Variants in TMEM132D observed in about 807,000 individuals in gnomAD.
TMEM132D encodes transmembrane protein 132D.
TMEM132D carries 21 observed loss-of-function variants against 62.3 expected under a neutral mutation model. That is an observed-to-expected ratio of 0.34 (90% CI 0.24 to 0.49). The LOEUF is 0.49. Ranked by LOEUF, TMEM132D falls within the 20% of genes least tolerant of loss-of-function variation. The pLI is 0.99. For missense variants in TMEM132D, 1,346 were observed against 1,402.8 expected, an observed-to-expected ratio of 0.96 and a Z score of 0.65; for synonymous variants, 621 against 575.6, an observed-to-expected ratio of 1.08 and a Z score of -1.13.
chr12:129,126,786 G>A (rs1876226599), intron 5 of TMEM132D, among the ~76,000 whole-genome samples: 1 of 152,158 alleles, frequency 6.6e-6, no homozygotes, highest in Non-Finnish European at 1.5e-5. Flanking sequence ...GCATAGAATT[G>A]ATCAGTTAAC....
intron 5 of TMEM132D, among the ~76,000 whole-genome samples, chr12:129,141,973 A>G (rs976995840): frequency 5.4e-5 from 8 of 148,612 alleles, no homozygotes; most frequent in African/African-American, 2.0e-4. Context: ...ATATATTTAT[A>G]AAGTATTAGA....
intron 2 of TMEM132D, among the ~76,000 whole-genome samples, chr12:129,549,942 G>C (rs1385242582): frequency 6.6e-6 from 1 of 152,148 alleles, no homozygotes; most frequent in African/African-American, 2.4e-5. Context: ...AAAACACGAA[G>C]GTCTTCAGGT....
At position 129,812,738 on chromosome 12, in the gene TMEM132D, A is replaced by C. The variant is rs141583567; in HGVS notation, c.79+90523T>G. ...TGGCTTTTCTTTTACTCCACAGATC[A>C]CTGCTTCCCAATCTCTTTTCCTGGG... On this transcript the variant is annotated intron_variant, in intron 1 of 8. Coordinates refer to ENST00000422113, the MANE Select transcript of TMEM132D (RefSeq NM_133448.3). 2.0e-5 allele frequency among the ~76,000 whole-genome samples: 3 copies of C among 151,750 alleles called. No individual in the cohort carries two copies. The East Asian group carries it at 5.8e-4, about 30-fold the overall frequency.
At chr12:129,577,739 T>C (rs571919454) in intron 2 of TMEM132D, among the ~76,000 whole-genome samples, 87 of 152,310 alleles carry the variant, frequency 5.7e-4, no homozygotes, top group Admixed American at 6.5e-4. Flanking sequence ...ACTATGTTTA[T>C]TTTTAAAAAT....
chr12:129,479,723 G>T (rs969653126), intron 3 of TMEM132D, among the ~76,000 whole-genome samples: 1 of 152,174 alleles, frequency 6.6e-6, no homozygotes, highest in Non-Finnish European at 1.5e-5. Context: ...GAGGAGTGAA[G>T]AAAGTTCTCA....
intron 1 of TMEM132D, among the ~76,000 whole-genome samples, chr12:129,706,749 T>G (rs1344758415): frequency 6.6e-6 from 1 of 151,932 alleles, no homozygotes; most frequent in Non-Finnish European, 1.5e-5. Flanking sequence ...ATAATTTAAA[T>G]GATATTCCAT....
chr12:129,293,700 A>T (rs2135621394), intron 4 of TMEM132D, among the ~76,000 whole-genome samples: 1 of 152,288 alleles, frequency 6.6e-6, no homozygotes, highest in Non-Finnish European at 1.5e-5. Context: ...GATCCCTCGC[A>T]TGTGCAGTTC....
At chr12:129,672,181 A>G (rs1235777247) in intron 2 of TMEM132D, among the ~76,000 whole-genome samples, 1 of 152,256 alleles carries the variant, frequency 6.6e-6, no homozygotes, top group African/African-American at 2.4e-5. Flanking sequence ...CTCTAAGCCC[A>G]CAGCCAGGCC....
intron 5 of TMEM132D, among the ~76,000 whole-genome samples, chr12:129,092,754 A>G (rs1369455745): frequency 4.6e-5 from 7 of 152,184 alleles, no homozygotes; most frequent in Non-Finnish European, 7.3e-5. Context: ...GCTAATATTC[A>G]TTGTTTGCTA....
intron 3 of TMEM132D, among the ~76,000 whole-genome samples, chr12:129,379,484 G>A (rs982244530): frequency 3.9e-5 from 6 of 152,184 alleles, no homozygotes; most frequent in Admixed American, 3.3e-4. Flanking sequence ...TACCTGACAC[G>A]TCTGTAGTGG....
chr12:129,650,136 G>A (rs577698786), intron 2 of TMEM132D, among the ~76,000 whole-genome samples: 1 of 152,226 alleles, frequency 6.6e-6, no homozygotes, highest in South Asian at 2.1e-4. Flanking sequence ...CAAATACATT[G>A]TCAATGCACA....
At chr12:129,121,630 G>A (rs910396545) in intron 5 of TMEM132D, among the ~76,000 whole-genome samples, 5 of 152,058 alleles carry the variant, frequency 3.3e-5, no homozygotes, top group East Asian at 1.9e-4. Context: ...AATTCAAAGC[G>A]GTGAGGAAGC....
chr12:129,776,979 T>C (rs906302388), intron 1 of TMEM132D, among the ~76,000 whole-genome samples: 3 of 152,218 alleles, frequency 2.0e-5, no homozygotes, highest in South Asian at 2.1e-4. Flanking sequence ...TGAGATGTGT[T>C]CTTTTTTATT....
chr12:129,294,738 T>A (rs981605510), intron 4 of TMEM132D, among the ~76,000 whole-genome samples: 1 of 152,256 alleles, frequency 6.6e-6, no homozygotes, highest in Non-Finnish European at 1.5e-5. Context: ...TCTACTTTTT[T>A]CAATGTTTGC....
At chr12:129,653,225 T>C (rs1012201705) in intron 2 of TMEM132D, among the ~76,000 whole-genome samples, 1 of 151,980 alleles carries the variant, frequency 6.6e-6, no homozygotes, top group Non-Finnish European at 1.5e-5. Context: ...GGTTTGGGCA[T>C]ACAGGGAGGA....
At chr12:129,412,937 A>G (rs1408463478) in intron 3 of TMEM132D, among the ~76,000 whole-genome samples, 1 of 152,198 alleles carries the variant, frequency 6.6e-6, no homozygotes, top group East Asian at 1.9e-4. Flanking sequence ...CTCCAATGAC[A>G]TTGAGGAACT....
intron 3 of TMEM132D, among the ~76,000 whole-genome samples, chr12:129,465,412 C>G (rs1012861387): frequency 3.3e-5 from 5 of 152,184 alleles, no homozygotes; most frequent in Admixed American, 3.3e-4. Context: ...TCTCTCACCA[C>G]TCCTATTCAA....
intron 4 of TMEM132D, among the ~76,000 whole-genome samples, chr12:129,309,847 TA>T (rs368930065): frequency 3.3e-5 from 5 of 151,098 alleles, no homozygotes; most frequent in East Asian, 3.9e-4. Context: ...AAGCTACATT[TA>T]AAAAAAAACT....
At chr12:129,099,853 T>C (rs1167401362) in intron 5 of TMEM132D, among the ~76,000 whole-genome samples, 2 of 141,020 alleles carry the variant, frequency 1.4e-5, no homozygotes, top group African/African-American at 3.2e-5. Context: ...TGAGACGGAG[T>C]CTCGCTCTGT....
Sources: allele counts gnomAD v4.1 joint callset (sites outside exome capture counted in the v4.1 genomes callset), GRCh38; gene constraint gnomAD v4.1.1; transcripts MANE v1.5; gene names NCBI Gene and HGNC (gene_info 2026-07-23, HGNC 2026-07-21).